The following RPS6KA2 variants were observed in gnomAD, a reference collection of about 807,000 sequenced individuals.
RPS6KA2 encodes ribosomal protein S6 kinase A2.
Under a neutral mutation model 91.8 loss-of-function variants are expected in RPS6KA2, and 42 were observed. The ratio of observed to expected loss-of-function variants is 0.46; its 90% CI spans 0.36 to 0.59. RPS6KA2 has a LOEUF of 0.59. Ranked by LOEUF, RPS6KA2 falls within the 20% of genes least tolerant of loss-of-function variation. The probability of loss-of-function intolerance (pLI) is 0.00; values close to 1 mark genes in which losing one functional copy is unlikely to be tolerated. For missense variants in RPS6KA2, 798 were observed against 978.5 expected, an observed-to-expected ratio of 0.82 and a Z score of 2.46; for synonymous variants, 414 against 393.6, an observed-to-expected ratio of 1.05 and a Z score of -0.61.
chr6:166,861,979 T>C, intron 1 of RPS6KA2: 2 of 1,168,024 alleles, frequency 1.7e-6, no homozygotes, highest in Non-Finnish European at 2.5e-6. Context: ...ACACACTGGA[T>C]AGCCAACTCT....
At chr6:166,634,031 G>A (rs571278460) in intron 2 of RPS6KA2, among the ~76,000 whole-genome samples, 1 of 152,318 alleles carries the variant, frequency 6.6e-6, no homozygotes, top group Admixed American at 6.5e-5. Context: ...GACACTGTGT[G>A]GGCAGAGTGT....
intron 12 of RPS6KA2, among the ~76,000 whole-genome samples, chr6:166,457,154 T>C (rs1457258296): frequency 1.3e-5 from 2 of 152,214 alleles, no homozygotes; most frequent in Non-Finnish European, 2.9e-5. Flanking sequence ...TGTGTGCACG[T>C]TCTGTTAGGG....
At chr6:166,747,889 A>G (rs1216877327) in intron 2 of RPS6KA2, among the ~76,000 whole-genome samples, 1 of 152,112 alleles carries the variant, frequency 6.6e-6, no homozygotes, top group Non-Finnish European at 1.5e-5. Context: ...CAGATTCTCG[A>G]CCTCTGCAGC....
rs373597496 is a variant in RPS6KA2, at chr6:166,436,961, A to T, written c.1333-4471T>A. ...TGAAGTGGCAAGGCAGTTCTGACCC[A>T]GCGTTTCCGTCCCGGATGCTGTCAG... On this transcript the variant is annotated intron_variant, in intron 14 of 20. Transcript: ENST00000265678. 2.2e-4 allele frequency among the ~76,000 whole-genome samples: 34 copies of T among 152,182 alleles called. 2 individuals are homozygous for T. Among genetic ancestry groups the T allele is most frequent in the Admixed American group, 1.0e-3 (16 of 15,278 alleles).
intron 2 of RPS6KA2, among the ~76,000 whole-genome samples, chr6:166,727,028 C>A (rs1037785777): frequency 3.3e-5 from 5 of 152,184 alleles, no homozygotes; most frequent in African/African-American, 1.2e-4. Flanking sequence ...ACGACTTTAT[C>A]AGAAGCACTC....
intron 2 of RPS6KA2, among the ~76,000 whole-genome samples, chr6:166,769,172 G>C (rs1778399180): frequency 6.6e-6 from 1 of 152,236 alleles, no homozygotes; most frequent in African/African-American, 2.4e-5. Flanking sequence ...CTATGACCAA[G>C]AGAGGAGAAA....
intron 1 of RPS6KA2, among the ~76,000 whole-genome samples, chr6:166,619,593 G>A (rs201102684): frequency 3.3e-5 from 5 of 152,330 alleles, no homozygotes; most frequent in East Asian, 3.9e-4. Flanking sequence ...CTTAAGGCTC[G>A]TGGAGGGCCT....
At chr6:166,469,971 G>A (rs1000009543) in intron 10 of RPS6KA2, 66 bp from the exon 11 acceptor site, 7 of 1,402,502 alleles carry the variant, frequency 5.0e-6, no homozygotes, top group Non-Finnish European at 6.1e-6. Context: ...AGTTTCCAAT[G>A]CAGCAGTGTG....
rs1349697600 is a variant in RPS6KA2, at chr6:166,587,800, G to A, written c.99+39121C>T. Among the ~76,000 whole-genome samples the A allele has an allele frequency of 2.0e-5, 3 of 152,154 alleles. No individual in the cohort carries two copies. The East Asian group carries it at 5.8e-4, about 29-fold the overall frequency. On this transcript the variant is annotated intron_variant, in intron 1 of 20. Coordinates refer to ENST00000265678, the MANE Select transcript of RPS6KA2 (RefSeq NM_021135.6). The stretch of plus-strand genomic sequence containing the variant: ...GCCGTCTGGCCTCACTAGCACAGTG[G>A]GTAGAGTCTGACTTCCTGCTGGCTG...
intron 2 of RPS6KA2, among the ~76,000 whole-genome samples, chr6:166,695,712 T>TGGATTCTCAC (rs1562387921): frequency 1.2e-4 from 16 of 129,508 alleles, no homozygotes; most frequent in Non-Finnish European, 1.8e-4. Flanking sequence ...TGGATTCTCC[T>TGGATTCTCAC]AGGAGCACTG....
chr6:166,671,801 C>T (rs1788479693), intron 2 of RPS6KA2, among the ~76,000 whole-genome samples: 1 of 152,170 alleles, frequency 6.6e-6, no homozygotes, highest in Admixed American at 6.5e-5. Flanking sequence ...GAGCTGGACA[C>T]TGGCCAGTGG....
At position 166,849,811 on chromosome 6, in the gene RPS6KA2, C is replaced by T. The variant is rs144016502; in HGVS notation, c.123+8389G>A. 2.6e-5 allele frequency among the ~76,000 whole-genome samples: 4 copies of T among 152,328 alleles called. No homozygotes were observed. The highest frequency in any genetic ancestry group is 2.1e-4 in the South Asian group (1 of 4,824). On this transcript the variant is annotated intron_variant, in intron 2 of 21. Transcript: ENST00000503859. This position sits in a 1 kb window ranked among gnomAD's most constrained non-coding sequence, Gnocchi z 4.9. ...CTCAAGCTGACTGAATTCTCGCCTT[C>T]GCTTTCTTTGGAAATGGTTTTATAG...
At chr6:166,710,381 T>C (rs1789807385) in intron 2 of RPS6KA2, among the ~76,000 whole-genome samples, 1 of 152,216 alleles carries the variant, frequency 6.6e-6, no homozygotes, top group Non-Finnish European at 1.5e-5. Context: ...TGTTCTGTAC[T>C]CTTTGATATA....
intron 6 of RPS6KA2, among the ~76,000 whole-genome samples, chr6:166,503,684 C>T (rs1191810181): frequency 6.6e-6 from 1 of 152,182 alleles, no homozygotes; most frequent in Non-Finnish European, 1.5e-5. Context: ...TCAACTCAAC[C>T]TAAAATACCA....
chr6:166,468,139 C>T (rs536232139), intron 11 of RPS6KA2, among the ~76,000 whole-genome samples: 16 of 152,332 alleles, frequency 1.1e-4, no homozygotes, highest in African/African-American at 3.6e-4. Flanking sequence ...TACATTCCAA[C>T]GCAGAGTCGA....
intron 2 of RPS6KA2, among the ~76,000 whole-genome samples, chr6:166,656,667 G>T (rs1378117333): frequency 6.6e-6 from 1 of 152,234 alleles, no homozygotes; most frequent in Non-Finnish European, 1.5e-5. Context: ...AGCTGAGGTC[G>T]CATTCATCCA....
intron 5 of RPS6KA2, among the ~76,000 whole-genome samples, chr6:166,505,757 G>A (rs753252306): frequency 3.9e-5 from 6 of 152,152 alleles, no homozygotes; most frequent in South Asian, 2.1e-4. Context: ...CCGGCCCCCC[G>A]AGTCCCCGTC....
At chr6:166,607,598 G>A (rs998338087) in intron 1 of RPS6KA2, among the ~76,000 whole-genome samples, 5 of 152,156 alleles carry the variant, frequency 3.3e-5, no homozygotes, top group African/African-American at 1.2e-4. Flanking sequence ...GAAAGTGGAT[G>A]TAGGGCTGCA....
rs1296681395 is a variant in RPS6KA2, at chr6:166,635,197, GA to G, written c.124-96414del. ...CGTACACCTTGGCATGAATGAGTTA[GA>G]GAACCACGGCAGGAGCCCAGTGTCA... On this transcript the variant is annotated intron_variant, in intron 2 of 21. Transcript: ENST00000503859. The surrounding 1 kb of genome is among the most constrained non-coding windows in gnomAD (Gnocchi z 4.8). Among the ~76,000 whole-genome samples the G allele has an allele frequency of 2.0e-5, 3 of 152,234 alleles. No individual in the cohort carries two copies. Among genetic ancestry groups the G allele is most frequent in the Non-Finnish European group, 4.4e-5 (3 of 68,036 alleles).
Sources: allele counts gnomAD v4.1 joint callset (sites outside exome capture counted in the v4.1 genomes callset), GRCh38; gene constraint gnomAD v4.1.1; non-coding constraint Gnocchi (gnomAD v3.1); transcripts MANE v1.5; gene names NCBI Gene and HGNC (gene_info 2026-07-23, HGNC 2026-07-21).